Variants in NCF4 observed in about 807,000 individuals in gnomAD.
NCF4 encodes neutrophil cytosolic factor 4.
NCF4 carries 30 observed loss-of-function variants against 41.7 expected under a neutral mutation model. The observed-to-expected ratio is 0.72, with a 90% CI of 0.54 to 0.97. The LOEUF (loss-of-function observed/expected upper bound fraction) is 0.97. Among genes scored for constraint, NCF4 ranks in the 50% least tolerant of loss-of-function variants. The pLI, the probability that NCF4 is intolerant of heterozygous loss-of-function variation, is 0.00. For missense variants in NCF4, 432 were observed against 460.9 expected, an observed-to-expected ratio of 0.94 and a Z score of 0.57; for synonymous variants, 195 against 175.8, an observed-to-expected ratio of 1.11 and a Z score of -0.87.
chr22:36,868,738 G>C (rs1361676563), intron 4 of NCF4, among the ~76,000 whole-genome samples: 1 of 152,176 alleles, frequency 6.6e-6, no homozygotes, highest in African/African-American at 2.4e-5. Flanking sequence ...TCCACACCTG[G>C]TCTTAGCAAC....
intron 2 of NCF4, among the ~76,000 whole-genome samples, chr22:36,864,558 C>T (rs1016569234): frequency 5.9e-5 from 9 of 152,150 alleles, no homozygotes; most frequent in Admixed American, 3.9e-4. Context: ...GGGCATCCTG[C>T]ACCCACAGCA....
At chr22:36,864,019 G>C in intron 1 of NCF4, 26 bp from the exon 2 acceptor site, 1 of 1,606,944 alleles carries the variant, frequency 6.2e-7, no homozygotes, top group Non-Finnish European at 8.5e-7. Context: ...TGATAAGCAG[G>C]ATCTCTTTTC....
At chr22:36,863,540 G>A (rs1939837337) in intron 1 of NCF4, among the ~76,000 whole-genome samples, 1 of 17,210 alleles carries the variant, frequency 5.8e-5, no homozygotes, top group Admixed American at 6.6e-4. Flanking sequence ...TCTCCGACTG[G>A]TCTCTCATCA....
In NCF4 at chr22:36,875,663, G is replaced by A. The variant is rs376569226; in HGVS notation, c.638G>A (p.Arg213Gln). 160 of 1,611,620 alleles carry A rather than the reference G, an allele frequency of 9.9e-5. No homozygotes were observed. Among genetic ancestry groups the A allele is most frequent in the Non-Finnish European group, 1.3e-4 (153 of 1,180,032 alleles). The change falls in exon 8 of 10, where the codon CGG (arginine) becomes CAG (glutamine). Residue 213 changes from arginine (R) to glutamine (Q), a missense_variant. Coordinates refer to ENST00000248899, the MANE Select transcript of NCF4 (RefSeq NM_000631.5). ...INKDWLEGTV[R>Q]GATGIFPLSF... The stretch of plus-strand genomic sequence containing the variant: ...TCTCTTCCTCTGCAGGGCACTGTCC[G>A]GGGAGCCACGGGCATCTTCCCTCTC...
intron 3 of NCF4, among the ~76,000 whole-genome samples, chr22:36,866,901 G>T (rs527311916): frequency 6.6e-6 from 1 of 152,144 alleles, no homozygotes; most frequent in African/African-American, 2.4e-5. Flanking sequence ...GTATGTGGAC[G>T]TGCCTTGAGA....
chr22:36,866,991 G>T (rs766705693), intron 3 of NCF4, among the ~76,000 whole-genome samples: 1 of 152,104 alleles, frequency 6.6e-6, no homozygotes, highest in African/African-American at 2.4e-5. Flanking sequence ...TACACAGTGA[G>T]ATATTTACAA....
chr22:36,870,810 G>A (rs1331830562), intron 5 of NCF4, among the ~76,000 whole-genome samples: 1 of 152,166 alleles, frequency 6.6e-6, no homozygotes, highest in Non-Finnish European at 1.5e-5. Context: ...AGCAACTACT[G>A]GGGATAGCCC....
chr22:36,861,918 G>T (rs1406043637), intron 1 of NCF4, among the ~76,000 whole-genome samples: 6 of 152,152 alleles, frequency 3.9e-5, no homozygotes, highest in Non-Finnish European at 8.8e-5. Flanking sequence ...GACGGAAAAG[G>T]TCTTAGATTC....
Position 36,867,407 on chromosome 22 carries a change from G to A in NCF4, c.287G>A (p.Gly96Asp), listed in dbSNP as rs2145710203. 1 of 1,614,200 alleles carries A rather than the reference G, an allele frequency of 6.2e-7. No homozygotes were observed. The change falls in exon 4 of 10, where the codon GGT becomes GAT. Residue 96 changes from glycine (G) to aspartate (D), a missense_variant. Coordinates refer to ENST00000248899, the MANE Select transcript of NCF4 (RefSeq NM_000631.5). ...CTCTTCTCAGCCAAAGTCTACGTGG[G>A]TGTGAAACAGGAGATCGCCGAGATG... ...LPTLPAKVYV[G>D]VKQEIAEMRI...
At chr22:36,866,490 A>G (rs1358033293) in intron 3 of NCF4, among the ~76,000 whole-genome samples, 1 of 152,126 alleles carries the variant, frequency 6.6e-6, no homozygotes, top group African/African-American at 2.4e-5. Context: ...CTCTGAGCAG[A>G]CATCCTCTCT....
At chr22:36,862,701 G>T (rs973268709) in intron 1 of NCF4, among the ~76,000 whole-genome samples, 1 of 152,236 alleles carries the variant, frequency 6.6e-6, no homozygotes, top group Non-Finnish European at 1.5e-5. Flanking sequence ...AGCGAGCCTG[G>T]ATTGTTCTGC....
chr22:36,870,129 C>T (rs1940017559), intron 4 of NCF4: 2 of 473,118 alleles, frequency 4.2e-6, no homozygotes, highest in South Asian at 2.1e-5. Context: ...TAGTTGTCAT[C>T]ACCATTACTG....
intron 4 of NCF4, among the ~76,000 whole-genome samples, chr22:36,867,846 A>G (rs1356310898): frequency 6.6e-6 from 1 of 152,190 alleles, no homozygotes; most frequent in African/African-American, 2.4e-5. Context: ...ACACGGAGAC[A>G]TATGTGTGCC....
chr22:36,870,220 G>A (rs762193599), intron 4 of NCF4, 195 bp from the exon 5 acceptor site: 1 of 763,062 alleles, frequency 1.3e-6, no homozygotes, highest in Non-Finnish European at 2.2e-6. Flanking sequence ...GGACCCAGGA[G>A]CAGAGCTTGT....
At position 36,865,101 on chromosome 22, in the gene NCF4, C is replaced by A. The variant is rs1939896000; in HGVS notation, c.271+29C>A. ...GGCGGCCACTCCCGTCCTGCTGCTG[C>A]AGAGCTGCTGACTCTCCTTCCTTCC... is the stretch of plus-strand genomic sequence containing the variant. On this transcript the variant is annotated intron_variant, in intron 3 of 9. Coordinates refer to ENST00000248899, the MANE Select transcript of NCF4 (RefSeq NM_000631.5). The surrounding 1 kb of genome is among the most constrained non-coding windows in gnomAD (Gnocchi z 4.3). The A allele has an allele frequency of 6.2e-7, 1 of 1,604,158 alleles. No individual in the cohort carries two copies. Among genetic ancestry groups the A allele is most frequent in the South Asian group, 1.1e-5 (1 of 91,042 alleles).
chr22:36,877,520 T>C, intron 9 of NCF4, 108 bp from the exon 10 acceptor site: 1 of 1,168,972 alleles, frequency 8.6e-7, no homozygotes, highest in Non-Finnish European at 1.3e-6. Flanking sequence ...TATCAGGCTC[T>C]GACTTTTTCT....
intron 6 of NCF4, 104 bp from the exon 7 acceptor site, chr22:36,872,223 C>A (rs1940074448): frequency 1.0e-6 from 1 of 957,812 alleles, no homozygotes; most frequent in East Asian, 2.4e-5. Flanking sequence ...CCCCAAGCCT[C>A]AGTTTCTACA....
At chr22:36,861,256 C>T (rs560332016) in intron 1 of NCF4, 53 bp downstream of exon 1, 4 of 1,543,522 alleles carry the variant, frequency 2.6e-6, no homozygotes, top group East Asian at 2.4e-5. Flanking sequence ...CCTCATAGGC[C>T]TTAGGGACAA....
intron 4 of NCF4, among the ~76,000 whole-genome samples, chr22:36,868,389 G>C (rs1317124144): frequency 6.6e-6 from 1 of 152,268 alleles, no homozygotes; most frequent in African/African-American, 2.4e-5. Flanking sequence ...CAGGAGTGAA[G>C]TTGGGATCTG....
Sources: gnomAD v4.1 joint callset for allele counts (sites outside exome capture counted in the v4.1 genomes callset) on GRCh38, gnomAD v4.1.1 for gene constraint, Gnocchi (gnomAD v3.1) non-coding constraint, MANE v1.5 for transcripts, NCBI Gene and HGNC (gene_info 2026-07-23, HGNC 2026-07-21) for gene names.